GPR149: variants seen among roughly 807,000 people sequenced by gnomAD.
GPR149 encodes the protein G protein-coupled receptor 149, also known as probable G protein-coupled receptor 149.
A neutral mutation model predicts 50.2 loss-of-function variants in GPR149; 50 were observed. The observed-to-expected ratio is 1.00, with a 90% CI of 0.79 to 1.26. GPR149 has a LOEUF of 1.26. GPR149 is among the 50% of genes most tolerant of loss of function. The pLI is 0.00. For synonymous variants in GPR149, 405 were observed against 358.2 expected (o/e 1.13, Z -1.48); for missense variants, 983 against 895.4 (o/e 1.10, Z -1.25).
intron 3 of GPR149, among the ~76,000 whole-genome samples, chr3:154,418,936 A>G (rs539382853): frequency 4.6e-4 from 70 of 152,190 alleles, no homozygotes; most frequent in African/African-American, 1.3e-3. Flanking sequence ...ACTTTTACTA[A>G]GGGAAGGTTA....
At chr3:154,348,166 A>G (rs1421363943) in intron 3 of GPR149, among the ~76,000 whole-genome samples, 1 of 152,218 alleles carries the variant, frequency 6.6e-6, no homozygotes, top group Non-Finnish European at 1.5e-5. Context: ...AAGCTTTCTA[A>G]TCCTAGTGTC....
intron 3 of GPR149, among the ~76,000 whole-genome samples, chr3:154,341,614 A>G (rs1413656801): frequency 1.3e-5 from 2 of 152,002 alleles, no homozygotes; most frequent in African/African-American, 4.8e-5. Context: ...GAGAAAGAAT[A>G]ATGTTTCTGC....
At chr3:154,356,532 C>A (rs1714230274) in intron 3 of GPR149, among the ~76,000 whole-genome samples, 1 of 152,078 alleles carries the variant, frequency 6.6e-6, no homozygotes, top group Non-Finnish European at 1.5e-5. Context: ...TCTTGTACAC[C>A]AATAACAGAC....
At chr3:154,358,693 T>C (rs2108393848) in intron 3 of GPR149, among the ~76,000 whole-genome samples, 1 of 152,228 alleles carries the variant, frequency 6.6e-6, no homozygotes, top group South Asian at 2.1e-4. Flanking sequence ...TTCATAGACC[T>C]TTATGAACTA....
chr3:154,337,999 G>A lies in GPR149; in HGVS notation c.1896C>T (p.Asp632=). The A allele has an allele frequency of 6.2e-7, 1 of 1,614,192 alleles. No individual in the cohort carries two copies. Among genetic ancestry groups the A allele is most frequent in the Non-Finnish European group, 8.5e-7 (1 of 1,180,022 alleles). ...LEICDNEEAL[D]TVSIISNISQ... ...TGATGTTACTAATGATTGACACAGT[G>A]TCCAAGGCCTCTTCATTATCACAAA... The change falls in exon 4 of 4, where the codon GAC becomes GAT. Residue 632 remains aspartate (D), a synonymous_variant. Coordinates refer to ENST00000389740, the MANE Select transcript of GPR149 (RefSeq NM_001038705.3).
intron 3 of GPR149, among the ~76,000 whole-genome samples, chr3:154,343,466 C>G (rs10212308): frequency 0.23 from 34,295 of 152,020 alleles, 4,377 homozygotes; most frequent in South Asian, 0.33. Flanking sequence ...GGGTAGGGTA[C>G]TGAGTGTGTG....
intron 3 of GPR149, among the ~76,000 whole-genome samples, chr3:154,411,821 AAG>A (rs756570555): frequency 5.3e-5 from 8 of 152,186 alleles, no homozygotes; most frequent in Non-Finnish European, 8.8e-5. Flanking sequence ...AAGATAGAGA[AAG>A]AGAGAGTTCT....
chr3:154,424,197 A>T (rs79447683), intron 2 of GPR149, among the ~76,000 whole-genome samples: 2,259 of 152,002 alleles, frequency 0.015, 54 homozygotes, highest in African/African-American at 0.052. Context: ...AATTGGTTAA[A>T]CACCAGATCT....
chr3:154,337,618 G>T lies in GPR149; in HGVS notation c.*81C>A. ...ACTAATGTAAGCCAACAAATAAAAG[G>T]AAATCAGTCTCATAACAAAGGTGTT... is the stretch of plus-strand genomic sequence containing the variant. On this transcript the variant is annotated 3_prime_UTR_variant, in exon 4 of 4. Coordinates refer to ENST00000389740, the MANE Select transcript of GPR149 (RefSeq NM_001038705.3). The T allele has an allele frequency of 9.1e-7, 1 of 1,098,000 alleles. No homozygotes were observed. Among genetic ancestry groups the T allele is most frequent in the Non-Finnish European group, 1.3e-6 (1 of 775,370 alleles). The allele number at this position is 1,098,000 out of a possible 1,614,324, so 68.0% of individuals were successfully genotyped here.
chr3:154,343,987 C>T (rs537530813), intron 3 of GPR149, among the ~76,000 whole-genome samples: 2 of 150,546 alleles, frequency 1.3e-5, no homozygotes, highest in African/African-American at 4.9e-5. Context: ...CACCGCCCCC[C>T]CAAAAAAAAA....
At chr3:154,344,964 A>G (rs1230418915) in intron 3 of GPR149, among the ~76,000 whole-genome samples, 1 of 152,254 alleles carries the variant, frequency 6.6e-6, no homozygotes, top group Non-Finnish European at 1.5e-5. Context: ...ACTTATTTTT[A>G]AAAGTCCTGC....
In GPR149 at chr3:154,337,911, C is replaced by T; in HGVS notation, c.1984G>A (p.Val662Ile). ...GCTGTTTCCCCTAGGTCACATGAAACAAATCTGTTTTCTTTCCTGGAGTAA... is the reference window on the plus strand; with the variant it reads ...GCTGTTTCCCCTAGGTCACATGAAATAAATCTGTTTTCTTTCCTGGAGTAA... ...LRYSRKENRF[V>I]SCDLGETASY... Residue 662 changes from valine (V) to isoleucine (I), a missense_variant, in exon 4 of 4, where the codon GTT (valine) becomes ATT (isoleucine). Physicochemically the swap from Val to Ile is conservative, Grantham distance 29. Coordinates refer to ENST00000389740, the MANE Select transcript of GPR149 (RefSeq NM_001038705.3). 1 of 1,612,836 alleles carries T rather than the reference C, an allele frequency of 6.2e-7. No individual in the cohort carries two copies. The highest frequency in any genetic ancestry group is 1.3e-5 in the African/African-American group (1 of 74,974).
intron 3 of GPR149, among the ~76,000 whole-genome samples, chr3:154,397,033 G>T (rs887672691): frequency 5.3e-5 from 8 of 152,002 alleles, no homozygotes; most frequent in African/African-American, 1.9e-4. Context: ...CTTTCCCACT[G>T]ATTATTGTGT....
intron 3 of GPR149, among the ~76,000 whole-genome samples, chr3:154,409,713 T>A (rs1345719949): frequency 2.0e-5 from 3 of 152,082 alleles, no homozygotes; most frequent in Non-Finnish European, 4.4e-5. Flanking sequence ...GTACAAAGCC[T>A]ACAAGAAGTT....
intron 2 of GPR149, among the ~76,000 whole-genome samples, chr3:154,425,890 G>T (rs373997288): frequency 6.6e-6 from 1 of 152,034 alleles, no homozygotes; most frequent in Non-Finnish European, 1.5e-5. Flanking sequence ...TTTGTTTTCA[G>T]CTCTGAGATG....
At chr3:154,372,538 AT>A (rs1442172836) in intron 3 of GPR149, among the ~76,000 whole-genome samples, 4 of 152,152 alleles carry the variant, frequency 2.6e-5, no homozygotes, top group African/African-American at 9.7e-5. Context: ...AGATATACCA[AT>A]ATCTCACCTT....
At chr3:154,410,695 A>G (rs1201984565) in intron 3 of GPR149, among the ~76,000 whole-genome samples, 1 of 152,154 alleles carries the variant, frequency 6.6e-6, no homozygotes, top group South Asian at 2.1e-4. Context: ...TTATAAAACT[A>G]TTACTACTAG....
chr3:154,405,585 C>A (rs1277847362), intron 3 of GPR149, among the ~76,000 whole-genome samples: 522 of 83,454 alleles, frequency 6.3e-3, no homozygotes, highest in South Asian at 9.1e-3. Context: ...AAGACTCCAT[C>A]AAAAAAAAAA....
At chr3:154,408,594 A>G (rs1489981542) in intron 3 of GPR149, among the ~76,000 whole-genome samples, 1 of 152,138 alleles carries the variant, frequency 6.6e-6, no homozygotes, top group African/African-American at 2.4e-5. Context: ...GTGACTCAGC[A>G]TAGGTAGCCA....
Sources: gnomAD v4.1 joint callset for allele counts (sites outside exome capture counted in the v4.1 genomes callset) on GRCh38, gnomAD v4.1.1 for gene constraint, MANE v1.5 for transcripts, NCBI Gene and HGNC (gene_info 2026-07-23, HGNC 2026-07-21) for gene names.